PDE4D: variants seen among roughly 807,000 people sequenced by gnomAD.
PDE4D encodes the protein 3',5'-cyclic-AMP phosphodiesterase 4D.
PDE4D carries 24 observed loss-of-function variants against 87.4 expected under a neutral mutation model. That is an observed-to-expected ratio of 0.27 (90% CI 0.20 to 0.39). The LOEUF is 0.39. PDE4D is among the 10% of genes least tolerant of loss of function. The pLI, the probability that PDE4D is intolerant of heterozygous loss-of-function variation, is 1.00. For missense variants in PDE4D, 714 were observed against 1,041.0 expected (o/e 0.69, Z 4.32); for synonymous variants, 384 against 383.2 (o/e 1.00, Z -0.02).
chr5:60,058,222 CTGAG>C (rs1770995380), intron 2 of PDE4D, among the ~76,000 whole-genome samples: 1 of 151,918 alleles, frequency 6.6e-6, no homozygotes, highest in African/African-American at 2.4e-5. Flanking sequence ...AAAACCCTTC[CTGAG>C]TATGATTAAA....
At chr5:60,374,611 C>T (rs150033269) in intron 1 of PDE4D, among the ~76,000 whole-genome samples, 12 of 152,242 alleles carry the variant, frequency 7.9e-5, no homozygotes, top group Non-Finnish European at 1.5e-4. Flanking sequence ...CACTTATCCA[C>T]AACACCATCA....
At chr5:60,216,367 C>CA (rs1562227979) in intron 1 of PDE4D, among the ~76,000 whole-genome samples, 1 of 152,056 alleles carries the variant, frequency 6.6e-6, no homozygotes, top group Non-Finnish European at 1.5e-5. Context: ...TGTGTCTGCC[C>CA]AGCACCTTAT....
chr5:59,774,302 A>C, intron 1 of PDE4D, among the ~76,000 whole-genome samples: 1 of 152,204 alleles, frequency 6.6e-6, no homozygotes, highest in East Asian at 1.9e-4. Context: ...AGAGAGTACA[A>C]GACTTAGAAA....
chr5:59,455,670 C>T lies in PDE4D; in HGVS notation c.456-239702G>A, dbSNP rs995915187. Among the ~76,000 whole-genome samples the T allele has an allele frequency of 3.0e-4, 46 of 152,310 alleles. 1 individual carries two copies. Among genetic ancestry groups the T allele is most frequent in the South Asian group, 1.4e-3 (7 of 4,832 alleles). ...TCCAGATGCCAGAATGGTAGGTCCA[C>T]TGACAGTTTGCGCCATGTGTGGAAA... On this transcript the variant is annotated intron_variant, in intron 1 of 14. Coordinates refer to ENST00000340635, the MANE Select transcript of PDE4D (RefSeq NM_001104631.2).
rs535382787 is a variant in PDE4D, at chr5:59,725,955, C to T, written c.455+167213G>A. Among the ~76,000 whole-genome samples the T allele has an allele frequency of 2.6e-5, 4 of 152,112 alleles. No individual in the cohort carries two copies. The East Asian group carries it at 5.8e-4, about 22-fold the overall frequency. ...TTAGTAAACTTCTGAGTCTCAATTT[C>T]CCCATGAAATGGTTAAGACCACCCT... On this transcript the variant is annotated intron_variant, in intron 1 of 14. Coordinates refer to ENST00000340635, the MANE Select transcript of PDE4D (RefSeq NM_001104631.2).
intron 1 of PDE4D, among the ~76,000 whole-genome samples, chr5:59,713,130 T>G (rs748480868): frequency 1.3e-5 from 2 of 151,934 alleles, no homozygotes; most frequent in Non-Finnish European, 2.9e-5. Context: ...AAAAAAACAA[T>G]AAGTGAACAT....
chr5:60,020,988 T>C (rs545941773), intron 2 of PDE4D, among the ~76,000 whole-genome samples: 95 of 152,334 alleles, frequency 6.2e-4, no homozygotes, highest in African/African-American at 1.9e-3. Flanking sequence ...CTGAATTTTA[T>C]TCAAACCAAT....
At chr5:59,912,819 C>T (rs1486689352) in intron 3 of PDE4D, among the ~76,000 whole-genome samples, 1 of 152,016 alleles carries the variant, frequency 6.6e-6, no homozygotes, top group African/African-American at 2.4e-5. Context: ...CCATGATGAA[C>T]AATAACACAT....
At chr5:59,431,311 C>T (rs1796080411) in intron 1 of PDE4D, among the ~76,000 whole-genome samples, 1 of 152,022 alleles carries the variant, frequency 6.6e-6, no homozygotes, top group South Asian at 2.1e-4. Flanking sequence ...TATCTTTATC[C>T]CACAGTTTTT....
At chr5:59,581,375 A>G (rs1282154525) in intron 1 of PDE4D, among the ~76,000 whole-genome samples, 2 of 152,200 alleles carry the variant, frequency 1.3e-5, no homozygotes, top group African/African-American at 4.8e-5. Context: ...CATTAGTGTA[A>G]GTAACTCAGT....
intron 1 of PDE4D, among the ~76,000 whole-genome samples, chr5:60,210,755 T>A (rs1171779209): frequency 3.2e-5 from 1 of 31,294 alleles, no homozygotes; most frequent in Admixed American, 3.6e-4. Context: ...GGTTTCCTAA[T>A]TTTTTTTTTT....
chr5:60,135,915 T>C (rs1779996342), intron 2 of PDE4D, among the ~76,000 whole-genome samples: 1 of 152,188 alleles, frequency 6.6e-6, no homozygotes, highest in South Asian at 2.1e-4. Context: ...CCAAGCTTCT[T>C]TGACAATAGA....
chr5:59,395,278 G>C (rs1789159426), intron 1 of PDE4D, among the ~76,000 whole-genome samples: 1 of 152,204 alleles, frequency 6.6e-6, no homozygotes, highest in Admixed American at 6.5e-5. Flanking sequence ...TCTGGGGGCA[G>C]GGCAGGGCAC....
intron 1 of PDE4D, among the ~76,000 whole-genome samples, chr5:60,509,773 C>G (rs550545364): frequency 6.6e-6 from 1 of 152,162 alleles, no homozygotes. Context: ...TTTTTGTACT[C>G]AGTCTCCTAG....
chr5:60,344,366 T>C (rs79098663), intron 1 of PDE4D, among the ~76,000 whole-genome samples: 2 of 148,288 alleles, frequency 1.3e-5, no homozygotes, highest in African/African-American at 5.1e-5. Context: ...TGGTTCTTGA[T>C]TTTTTTTTTC....
chr5:59,790,154 A>G (rs1457572059), intron 1 of PDE4D, among the ~76,000 whole-genome samples: 1 of 152,208 alleles, frequency 6.6e-6, no homozygotes, highest in South Asian at 2.1e-4. Context: ...TAGTTTAGTG[A>G]CATGTAGAGC....
intron 2 of PDE4D, among the ~76,000 whole-genome samples, chr5:59,212,533 A>G (rs928120224): frequency 1.3e-5 from 2 of 152,104 alleles, no homozygotes; most frequent in African/African-American, 4.8e-5. Flanking sequence ...CAGCAAAATG[A>G]GGTATCCTTG....
intron 1 of PDE4D, among the ~76,000 whole-genome samples, chr5:59,821,274 CAAA>C (rs1269644437): frequency 1.4e-5 from 2 of 143,330 alleles, no homozygotes; most frequent in Non-Finnish European, 3.1e-5. Context: ...ACAACAACAA[CAAA>C]AGAAAAAGAA....
chr5:60,175,563 G>A (rs1783836725), intron 2 of PDE4D, among the ~76,000 whole-genome samples: 1 of 152,164 alleles, frequency 6.6e-6, no homozygotes, highest in Non-Finnish European at 1.5e-5. Flanking sequence ...AATAGATTGT[G>A]AAATGGCTTG....
Sources: gnomAD v4.1 joint callset for allele counts (sites outside exome capture counted in the v4.1 genomes callset) on GRCh38, gnomAD v4.1.1 for gene constraint, MANE v1.5 for transcripts, NCBI Gene and HGNC (gene_info 2026-07-23, HGNC 2026-07-21) for gene names.